Variants in CNDP2 observed in about 807,000 individuals in gnomAD.
CNDP2 encodes carnosine dipeptidase 2.
Under a neutral mutation model 55.0 loss-of-function variants are expected in CNDP2, and 38 were observed. The ratio of observed to expected loss-of-function variants is 0.69; its 90% CI spans 0.53 to 0.90. The LOEUF (loss-of-function observed/expected upper bound fraction) is 0.90. Ranked by LOEUF, CNDP2 falls within the 40% of genes least tolerant of loss-of-function variation. CNDP2 has a pLI of 0.00. For synonymous variants in CNDP2, 241 were observed against 260.2 expected, an observed-to-expected ratio of 0.93 and a Z score of 0.71; for missense variants, 607 against 621.7, an observed-to-expected ratio of 0.98 and a Z score of 0.25.
intron 9 of CNDP2, chr18:74,517,886 C>A (rs928096040): frequency 3.9e-5 from 6 of 152,214 alleles, no homozygotes; most frequent in African/African-American, 1.4e-4. Flanking sequence ...TAAATAGTAT[C>A]ATCATTTAGA....
At chr18:74,513,348 G>A (rs146430436) in intron 7 of CNDP2, among the ~76,000 whole-genome samples, 39 of 152,082 alleles carry the variant, frequency 2.6e-4, no homozygotes, top group Non-Finnish European at 4.4e-4. Context: ...GGCCCCGGAC[G>A]GTGCCTGACA....
At chr18:74,503,073 G>GTTTTTTTT (rs72527615) in intron 3 of CNDP2, among the ~76,000 whole-genome samples, 4 of 142,190 alleles carry the variant, frequency 2.8e-5, no homozygotes, top group Admixed American at 6.9e-5. Flanking sequence ...GCTCCCTTTC[G>GTTTTTTTT]TTTTTTTTTT....
chr18:74,501,251 T>C (rs8084410), intron 2 of CNDP2, 78 bp from the exon 3 acceptor site: 415,708 of 1,531,726 alleles, frequency 0.27, 59,858 homozygotes, highest in African/African-American at 0.51. Flanking sequence ...GAGCCTGGAA[T>C]GTGGCAACGT....
At position 74,518,516 on chromosome 18, in the gene CNDP2, T is replaced by G. The variant is rs1599073752; in HGVS notation, c.1086T>G (p.Thr362=). The stretch of plus-strand genomic sequence containing the variant: ...TGGTTTAGGTCACAAGCTACCTAAC[T>G]AAGAAGTTTGCTGAACTACGCAGCC... The part of the protein sequence containing the change: ...VVGEQVTSYL[T]KKFAELRSPN... The change falls in exon 10 of 12, where the codon ACT becomes ACG. Residue 362 remains threonine (T), a synonymous_variant. Transcript: ENST00000324262. 6.2e-7 allele frequency: 1 copy of G among 1,614,184 alleles called. No individual in the cohort carries two copies. Among genetic ancestry groups the G allele is most frequent in the South Asian group, 1.1e-5 (1 of 91,092 alleles).
At chr18:74,518,877 T>C in intron 10 of CNDP2, 72 bp from the exon 11 acceptor site, 3 of 1,594,298 alleles carry the variant, frequency 1.9e-6, no homozygotes, top group South Asian at 1.1e-5. Flanking sequence ...TGCTACTGAG[T>C]AGTGGTCTGA....
intron 9 of CNDP2, 96 bp from the exon 10 acceptor site, chr18:74,518,403 G>T (rs17089362): frequency 0.022 from 30,839 of 1,433,938 alleles, 667 homozygotes; most frequent in African/African-American, 0.1. Flanking sequence ...TTGTAAGCTC[G>T]CTGTAGACCC....
Position 74,520,133 on chromosome 18 carries a change from C to T in CNDP2, c.*65C>T, listed in dbSNP as rs1211436936. 5 of 1,530,154 alleles carry T rather than the reference C, an allele frequency of 3.3e-6. No individual in the cohort carries two copies. The highest frequency in any genetic ancestry group is 1.4e-5 in the African/African-American group (1 of 73,230). The allele number at this position is 1,530,154 out of a possible 1,614,324, so 94.8% of individuals were successfully genotyped here. The stretch of plus-strand genomic sequence containing the variant: ...CTGCCCTCACCTCACCCTTTTCCAA[C>T]TTGCCCAGGGAAGTGGAGGTTCCCT... On this transcript the variant is annotated 3_prime_UTR_variant, in exon 12 of 12. Transcript: ENST00000324262.
At chr18:74,497,244 G>A (rs774122364) in intron 1 of CNDP2, among the ~76,000 whole-genome samples, 1 of 152,228 alleles carries the variant, frequency 6.6e-6, no homozygotes, top group African/African-American at 2.4e-5. Flanking sequence ...GCAGGCAGGA[G>A]TGGAGGAAGA....
At chr18:74,496,757 T>C (rs2144562736) in intron 1 of CNDP2, among the ~76,000 whole-genome samples, 1 of 151,966 alleles carries the variant, frequency 6.6e-6, no homozygotes, top group East Asian at 1.9e-4. Flanking sequence ...CCTGGTGGAG[T>C]CGAGTGGAAC....
In CNDP2 at chr18:74,520,124, C is replaced by A. The variant is rs1221348972; in HGVS notation, c.*56C>A. The A allele has an allele frequency of 6.4e-7, 1 of 1,556,550 alleles. No homozygotes were observed. ...GAAGGAATCCTGCCCTCACCTCACC[C>A]TTTTCCAACTTGCCCAGGGAAGTGG... On this transcript the variant is annotated 3_prime_UTR_variant, in exon 12 of 12. Coordinates refer to ENST00000324262, the MANE Select transcript of CNDP2 (RefSeq NM_018235.3).
chr18:74,501,876 C>T (rs906467213), intron 3 of CNDP2, among the ~76,000 whole-genome samples: 11 of 152,122 alleles, frequency 7.2e-5, no homozygotes. Flanking sequence ...AGTGCTGCGT[C>T]CTTGAGCCTT....
At chr18:74,505,405 C>T (rs973179634) in intron 3 of CNDP2, among the ~76,000 whole-genome samples, 4 of 151,990 alleles carry the variant, frequency 2.6e-5, no homozygotes, top group Admixed American at 6.6e-5. Flanking sequence ...TCGAGACCAC[C>T]GTGCGGGCAA....
rs1980029871 is a variant in CNDP2 at position 74,521,237 on chromosome 18, ACCCAGGTCTT to A, written c.*1176_*1185del. On this transcript the variant is annotated 3_prime_UTR_variant, in exon 12 of 12. Coordinates refer to ENST00000324262, the MANE Select transcript of CNDP2 (RefSeq NM_018235.3). ...CAGCAGGCAGGACCCGGAAAACAGA[ACCCAGGTCTT>A]CCCAGGCGAGCACTCCCTCCCTCGT... The A allele has an allele frequency of 6.6e-6, 1 of 152,308 alleles. No homozygotes were observed. Among genetic ancestry groups the A allele is most frequent in the Non-Finnish European group, 1.5e-5 (1 of 68,116 alleles). 9.4% of individuals were successfully genotyped at this position (152,308 alleles called of 1,614,324 possible).
chr18:74,508,402 T>G, intron 4 of CNDP2: 1 of 160,008 alleles, frequency 6.2e-6, no homozygotes, highest in East Asian at 1.8e-4. Flanking sequence ...CACAATTGGG[T>G]GGGGGTGAGA....
chr18:74,519,239 TG>T (rs1362033311), intron 11 of CNDP2, 143 bp downstream of exon 11: 1 of 1,130,268 alleles, frequency 8.8e-7, no homozygotes, highest in African/African-American at 1.6e-5. Context: ...TTGTGTGAAG[TG>T]GGAACTTCAG....
chr18:74,499,866 C>G lies in CNDP2; in HGVS notation c.-92-16C>G, dbSNP rs754164012. 2 of 916,542 alleles carry G rather than the reference C, an allele frequency of 2.2e-6. No homozygotes were observed. Among genetic ancestry groups the G allele is most frequent in the Non-Finnish European group, 1.7e-6 (1 of 582,746 alleles). 56.8% of individuals were successfully genotyped at this position (916,542 alleles called of 1,614,324 possible). ...GGGCAACAATTTACAATTCTGAACA[C>G]GTGCTTTCTGGGCAGGTCGCCCCTC... is the stretch of plus-strand genomic sequence containing the variant. On this transcript the variant is annotated splice_polypyrimidine_tract_variant and intron_variant, in intron 1 of 11. Coordinates refer to ENST00000324262, the MANE Select transcript of CNDP2 (RefSeq NM_018235.3).
intron 11 of CNDP2, 108 bp from the exon 12 acceptor site, chr18:74,519,891 G>C (rs1979949301): frequency 1.1e-6 from 1 of 943,058 alleles, no homozygotes; most frequent in African/African-American, 1.6e-5. Context: ...GATGGGGGAT[G>C]CTCCCCAGGA....
chr18:74,516,557 A>G, intron 9 of CNDP2, 165 bp downstream of exon 9: 1 of 708,598 alleles, frequency 1.4e-6, no homozygotes, highest in Non-Finnish European at 2.3e-6. Context: ...GAAGCTAATC[A>G]AAGATAATGC....
rs534923898 is a variant in CNDP2 at position 74,505,842 on chromosome 18, T to C, written c.205-7T>C. 84 of 1,612,904 alleles carry C rather than the reference T, an allele frequency of 5.2e-5. 1 individual carries two copies. In the South Asian group the frequency reaches 8.4e-4, roughly 16 times the overall value. On this transcript the variant is annotated splice_region_variant and splice_polypyrimidine_tract_variant and intron_variant, in intron 3 of 11. Transcript: ENST00000324262. ...CTGTCCTTGGTTCCTTTCCTCTCCA[T>C]GCTCAGCTCCCTGATGGCTCGGAGA...
Sources: allele counts gnomAD v4.1 joint callset (sites outside exome capture counted in the v4.1 genomes callset), GRCh38; gene constraint gnomAD v4.1.1; transcripts MANE v1.5; gene names NCBI Gene and HGNC (gene_info 2026-07-23, HGNC 2026-07-21).